Variants in TFEC observed in about 807,000 individuals in gnomAD.
TFEC encodes transcription factor EC.
A neutral mutation model predicts 41.6 loss-of-function variants in TFEC; 31 were observed. The ratio of observed to expected loss-of-function variants is 0.74; its 90% CI spans 0.56 to 1.01. The LOEUF (loss-of-function observed/expected upper bound fraction) is 1.01. Among genes scored for constraint, TFEC ranks in the 50% least tolerant of loss-of-function variants. The pLI is 0.00. For missense variants in TFEC, 402 were observed against 404.1 expected (o/e 0.99, Z 0.04); for synonymous variants, 143 against 140.6 (o/e 1.02, Z -0.12).
chr7:115,948,244 T>G (rs1437288644), intron 6 of TFEC, among the ~76,000 whole-genome samples: 1 of 151,654 alleles, frequency 6.6e-6, no homozygotes, highest in Non-Finnish European at 1.5e-5. Flanking sequence ...ACCAGATGGA[T>G]TCACAGCCGA....
intron 1 of TFEC, among the ~76,000 whole-genome samples, chr7:116,145,077 A>T (rs536599822): frequency 9.6e-4 from 146 of 152,342 alleles, no homozygotes; most frequent in Non-Finnish European, 1.6e-3. Context: ...ATAAAACTGT[A>T]TTCTATAACA....
chr7:116,154,572 G>A (rs1305306175), intron 1 of TFEC, among the ~76,000 whole-genome samples: 1 of 152,180 alleles, frequency 6.6e-6, no homozygotes, highest in Non-Finnish European at 1.5e-5. Flanking sequence ...ATACATTCCT[G>A]ATCCATGGAA....
intron 2 of TFEC, chr7:116,111,956 C>T: frequency 1.0e-6 from 1 of 975,252 alleles, no homozygotes. Flanking sequence ...CTTGCTGAGA[C>T]AAGTCTATGC....
intron 1 of TFEC, among the ~76,000 whole-genome samples, chr7:116,015,303 T>C (rs1457110575): frequency 6.6e-6 from 1 of 152,086 alleles, no homozygotes; most frequent in African/African-American, 2.4e-5. Flanking sequence ...ATGCCTTTAA[T>C]CAATCCCTCA....
chr7:116,102,027 C>T (rs978926720), intron 3 of TFEC, among the ~76,000 whole-genome samples: 3 of 152,068 alleles, frequency 2.0e-5, no homozygotes, highest in Non-Finnish European at 4.4e-5. Flanking sequence ...ATAAGATATT[C>T]GTCCTATCAC....
At chr7:116,107,386 G>C (rs1217980471) in intron 3 of TFEC, among the ~76,000 whole-genome samples, 1 of 152,170 alleles carries the variant, frequency 6.6e-6, no homozygotes, top group East Asian at 1.9e-4. Flanking sequence ...AGACATGCGA[G>C]CCAGCAAATG....
intron 3 of TFEC, among the ~76,000 whole-genome samples, chr7:116,072,561 A>G (rs1796854757): frequency 6.6e-6 from 1 of 151,670 alleles, no homozygotes; most frequent in African/African-American, 2.4e-5. Flanking sequence ...AACACAGAAC[A>G]TACTTTTGTG....
intron 1 of TFEC, among the ~76,000 whole-genome samples, chr7:116,126,183 G>A (rs1359955055): frequency 6.6e-6 from 1 of 151,818 alleles, no homozygotes; most frequent in African/African-American, 2.4e-5. Context: ...GTGTTCAGGG[G>A]ATAAAAGAAA....
intron 1 of TFEC, among the ~76,000 whole-genome samples, chr7:116,128,830 T>C (rs1195112911): frequency 1.3e-5 from 2 of 152,090 alleles, no homozygotes; most frequent in Non-Finnish European, 2.9e-5. Flanking sequence ...CTTGGAGTAC[T>C]TGAAGGTAAA....
intron 3 of TFEC, among the ~76,000 whole-genome samples, chr7:115,964,928 A>G (rs908024630): frequency 1.6e-4 from 24 of 151,560 alleles, no homozygotes; most frequent in African/African-American, 5.8e-4. Flanking sequence ...ACTAAGAAAA[A>G]CAAGTTGATC....
chr7:115,952,921 C>T (rs1792022272), intron 5 of TFEC, among the ~76,000 whole-genome samples: 1 of 152,068 alleles, frequency 6.6e-6, no homozygotes, highest in African/African-American at 2.4e-5. Flanking sequence ...AAACTATACT[C>T]TGGGTTATCG....
At chr7:116,058,430 T>C (rs962899859) in intron 3 of TFEC, among the ~76,000 whole-genome samples, 1 of 151,406 alleles carries the variant, frequency 6.6e-6, no homozygotes, top group Non-Finnish European at 1.5e-5. Flanking sequence ...AAATAGAAAA[T>C]TGTACCATTA....
chr7:115,950,998 CT>C, intron 5 of TFEC, 49 bp from the exon 6 acceptor site: 1 of 1,209,142 alleles, frequency 8.3e-7, no homozygotes, highest in South Asian at 1.6e-5. Context: ...GCACAGTTCA[CT>C]TTTGGTCAGC....
chr7:116,121,978 C>T (rs561103409), intron 1 of TFEC, among the ~76,000 whole-genome samples: 6 of 152,070 alleles, frequency 3.9e-5, no homozygotes, highest in African/African-American at 4.8e-5. Context: ...CCTAATTTTC[C>T]GAACAGGTAA....
intron 1 of TFEC, among the ~76,000 whole-genome samples, chr7:115,998,183 A>G (rs1794442990): frequency 6.6e-6 from 1 of 152,244 alleles, no homozygotes; most frequent in South Asian, 2.1e-4. Flanking sequence ...AAGGTCAAGA[A>G]TAAAGAAAGG....
At chr7:116,087,117 G>A (rs1797220520) in intron 3 of TFEC, among the ~76,000 whole-genome samples, 1 of 151,842 alleles carries the variant, frequency 6.6e-6, no homozygotes. Context: ...GATCAGGGGA[G>A]GGACAACATC....
Position 115,937,066 on chromosome 7 carries a change from A to G in TFEC, c.*3485T>C, listed in dbSNP as rs902645524. 10 of 151,556 alleles carry G rather than the reference A, an allele frequency of 6.6e-5. No homozygotes were observed. Among genetic ancestry groups the G allele is most frequent in the African/African-American group, 2.4e-4 (10 of 41,376 alleles). 9.4% of individuals were successfully genotyped at this position (151,556 alleles called of 1,614,324 possible). A position where few individuals can be genotyped will look rare whatever the true frequency, so the allele number is the denominator to read the frequency against. Reference sequence around the variant, plus strand: ...AGGAGGTCATCATTATTTTAAGACAATTGGAAGTTGGAAAGGGCTGTTTAA... The same window carrying G: ...AGGAGGTCATCATTATTTTAAGACAGTTGGAAGTTGGAAAGGGCTGTTTAA... On this transcript the variant is annotated 3_prime_UTR_variant, in exon 8 of 8. Coordinates refer to ENST00000265440, the MANE Select transcript of TFEC (RefSeq NM_012252.4).
intron 3 of TFEC, among the ~76,000 whole-genome samples, chr7:115,962,117 C>T (rs999865452): frequency 1.3e-5 from 2 of 151,466 alleles, no homozygotes; most frequent in African/African-American, 4.8e-5. Flanking sequence ...GAATGAAATA[C>T]TTAGGAATAA....
chr7:116,031,593 T>A (rs1795784589), upstream of TFEC, among the ~76,000 whole-genome samples: 1 of 152,124 alleles, frequency 6.6e-6, no homozygotes. Context: ...TTTTAAAAAA[T>A]ATATGCAAAG....
Sources: allele counts gnomAD v4.1 joint callset (sites outside exome capture counted in the v4.1 genomes callset), GRCh38; gene constraint gnomAD v4.1.1; transcripts MANE v1.5; gene names NCBI Gene and HGNC (gene_info 2026-07-23, HGNC 2026-07-21).